Variants in CD2AP observed in about 807,000 individuals in gnomAD.
CD2AP encodes the protein CD2-associated protein.
CD2AP carries 46 observed loss-of-function variants against 85.1 expected under a neutral mutation model. That is an observed-to-expected ratio of 0.54 (90% CI 0.43 to 0.69). CD2AP has a LOEUF of 0.69. CD2AP is among the 30% of genes least tolerant of loss of function. The probability of loss-of-function intolerance (pLI) is 0.00; values close to 1 mark genes in which losing one functional copy is unlikely to be tolerated. For missense variants in CD2AP, 769 were observed against 729.5 expected (o/e 1.05, Z -0.62); for synonymous variants, 255 against 252.9 (o/e 1.01, Z -0.08).
chr6:47,542,197 A>AT (rs1449253607), intron 3 of CD2AP, among the ~76,000 whole-genome samples: 2 of 151,962 alleles, frequency 1.3e-5, no homozygotes, highest in Non-Finnish European at 2.9e-5. Context: ...TTTATCACTA[A>AT]TTTTTTTCTA....
At chr6:47,536,803 A>C (rs1582529367) in intron 3 of CD2AP, among the ~76,000 whole-genome samples, 2 of 152,280 alleles carry the variant, frequency 1.3e-5, no homozygotes, top group Middle Eastern at 3.4e-3. Context: ...TACTTCTGAC[A>C]CCCTTGTAAA....
intron 4 of CD2AP, among the ~76,000 whole-genome samples, chr6:47,551,839 A>AT (rs1306249362): frequency 6.6e-6 from 1 of 152,170 alleles, no homozygotes; most frequent in Non-Finnish European, 1.5e-5. Context: ...GAGAGCCATT[A>AT]TGTTAGCCTT....
At chr6:47,503,172 T>A in intron 1 of CD2AP, 108 bp from the exon 2 acceptor site, 2 of 1,036,162 alleles carry the variant, frequency 1.9e-6, no homozygotes, top group Non-Finnish European at 2.9e-6. Context: ...GTCTTTGTGG[T>A]ATTAAATATT....
intron 11 of CD2AP, among the ~76,000 whole-genome samples, chr6:47,595,125 A>T (rs1228773484): frequency 6.6e-6 from 1 of 152,062 alleles, no homozygotes; most frequent in African/African-American, 2.4e-5. Context: ...CTGAAAGATC[A>T]GGAAGCAGGT....
intron 3 of CD2AP, among the ~76,000 whole-genome samples, chr6:47,542,494 A>AG (rs1767241222): frequency 6.6e-6 from 1 of 152,188 alleles, no homozygotes; most frequent in Non-Finnish European, 1.5e-5. Context: ...TGAGAAATGA[A>AG]TAAGTCATGA....
chr6:47,625,162 T>A lies in CD2AP; in HGVS notation c.*935T>A, dbSNP rs1339356095. The A allele has an allele frequency of 6.6e-5, 10 of 151,906 alleles. No individual in the cohort carries two copies. Among genetic ancestry groups the A allele is most frequent in the African/African-American group, 2.4e-4 (10 of 41,442 alleles). 9.4% of individuals were successfully genotyped at this position (151,906 alleles called of 1,614,324 possible). A position where few individuals can be genotyped will look rare whatever the true frequency, so the allele number is the denominator to read the frequency against. ...ATTTCTCATTATCTTGTCACTTAGT[T>A]CTTCATGTTTCTCCTTCTGACTTTT... is the stretch of plus-strand genomic sequence containing the variant. On this transcript the variant is annotated 3_prime_UTR_variant, in exon 18 of 18. Transcript: ENST00000359314.
rs746618428 is a variant in CD2AP, at chr6:47,580,893, GGCTCCAGGTAT to G, written c.1040_1045+5del. 6.2e-7 allele frequency: 1 copy of G among 1,606,156 alleles called. No homozygotes were observed. Among genetic ancestry groups the G allele is most frequent in the Non-Finnish European group, 8.5e-7 (1 of 1,173,078 alleles). On this transcript the variant is annotated splice_donor_variant and splice_donor_region_variant and coding_sequence_variant and intron_variant, in exon 10 of 18. Transcript: ENST00000359314. LOFTEE classifies it high-confidence loss of function. ...CAAAGAAACCACCACCTCCTGCTAA[GGCTCCAGGTAT>G]GTAAGAAGCATATTATTCAGTTTGC... is the stretch of plus-strand genomic sequence containing the variant.
intron 4 of CD2AP, among the ~76,000 whole-genome samples, chr6:47,549,460 C>CAAAAAAAAAA (rs67626138): frequency 1.8e-5 from 2 of 110,710 alleles, no homozygotes; most frequent in Non-Finnish European, 3.6e-5. Flanking sequence ...ACAATAGCTG[C>CAAAAAAAAAA]AAAAAAAAAA....
intron 9 of CD2AP, chr6:47,580,000 CA>C (rs1768429563): frequency 6.2e-6 from 1 of 161,154 alleles, no homozygotes; most frequent in Non-Finnish European, 1.3e-5. Flanking sequence ...CCCTTTTCCC[CA>C]TGGATGAGGA....
chr6:47,602,777 G>T (rs916947542), intron 13 of CD2AP, among the ~76,000 whole-genome samples: 2 of 151,694 alleles, frequency 1.3e-5, no homozygotes, highest in Non-Finnish European at 1.5e-5. Context: ...TAGTCCCATG[G>T]TGTAGCTACT....
intron 2 of CD2AP, among the ~76,000 whole-genome samples, chr6:47,532,208 G>A (rs1264137584): frequency 2.0e-5 from 3 of 151,714 alleles, no homozygotes; most frequent in Non-Finnish European, 4.4e-5. Context: ...GTTGGCCACC[G>A]AGGCTCACTA....
At chr6:47,587,608 G>A (rs77059566) in intron 11 of CD2AP, among the ~76,000 whole-genome samples, 1 of 152,040 alleles carries the variant, frequency 6.6e-6, no homozygotes, top group Admixed American at 6.6e-5. Context: ...TTTTTGAGAT[G>A]TCCTTTTTTG....
chr6:47,571,272 A>G (rs892433297), intron 5 of CD2AP, among the ~76,000 whole-genome samples: 1 of 152,208 alleles, frequency 6.6e-6, no homozygotes, highest in Non-Finnish European at 1.5e-5. Context: ...TGCAGGAGCA[A>G]GATGGTATGG....
intron 11 of CD2AP, among the ~76,000 whole-genome samples, chr6:47,589,379 T>TATATACACACACACACAC (rs144886557): frequency 1.4e-5 from 2 of 139,438 alleles, no homozygotes; most frequent in African/African-American, 5.3e-5. Context: ...CTCTTGAATA[T>TATATACACACACACACAC]ACACACACAC....
intron 2 of CD2AP, among the ~76,000 whole-genome samples, chr6:47,520,026 A>G (rs10948363): frequency 0.23 from 34,456 of 152,110 alleles, 4,073 homozygotes; most frequent in Non-Finnish European, 0.27. Context: ...AGGGCAAAAC[A>G]AATTTTGTTA....
chr6:47,561,844 G>A (rs1424831864), intron 5 of CD2AP, among the ~76,000 whole-genome samples: 3 of 152,072 alleles, frequency 2.0e-5, no homozygotes, highest in Non-Finnish European at 4.4e-5. Flanking sequence ...GCAGTGGCGC[G>A]ATCTTGGCTC....
chr6:47,624,389 A>T lies in CD2AP; in HGVS notation c.*162A>T, dbSNP rs1416037980. 1.6e-6 allele frequency: 1 copy of T among 606,604 alleles called. No individual in the cohort carries two copies. The highest frequency in any genetic ancestry group is 2.9e-6 in the Non-Finnish European group (1 of 341,708). The allele number at this position is 606,604 out of a possible 1,614,324, so 37.6% of individuals were successfully genotyped here. A position where few individuals can be genotyped will look rare whatever the true frequency, so the allele number is the denominator to read the frequency against. On this transcript the variant is annotated 3_prime_UTR_variant, in exon 18 of 18. Transcript: ENST00000359314. ...AAGTAGAGTGAGGGTGAATTTATAT[A>T]TATATTTTGTTTTGCCAATATGAAG... is the stretch of plus-strand genomic sequence containing the variant.
At chr6:47,575,424 GT>G (rs1436344462) in intron 6 of CD2AP, among the ~76,000 whole-genome samples, 1 of 152,150 alleles carries the variant, frequency 6.6e-6, no homozygotes, top group Non-Finnish European at 1.5e-5. Context: ...CTACTCAAGA[GT>G]TGTTATTAGT....
rs1766054784 is a variant in CD2AP at position 47,503,566 on chromosome 6, A to ATATCT, written c.165+126_165+127insTATCT. On this transcript the variant is annotated intron_variant, in intron 2 of 17. Coordinates refer to ENST00000359314, the MANE Select transcript of CD2AP (RefSeq NM_012120.3). ...ATGTTTTCTTTGTAACATTTAAGAA[A>ATATCT]ATAGAGTCCAGGTACCTCTATAATG... 2.0e-5 allele frequency: 17 copies of ATATCT among 861,360 alleles called. No individual in the cohort carries two copies. The Middle Eastern group carries it at 2.7e-3, about 135-fold the overall frequency. 53.4% of individuals were successfully genotyped at this position (861,360 alleles called of 1,614,324 possible). A position where few individuals can be genotyped will look rare whatever the true frequency, so the allele number is the denominator to read the frequency against.
Sources: allele counts gnomAD v4.1 joint callset (sites outside exome capture counted in the v4.1 genomes callset), GRCh38; gene constraint gnomAD v4.1.1; transcripts MANE v1.5; gene names NCBI Gene and HGNC (gene_info 2026-07-23, HGNC 2026-07-21).